Variants in SBK1 observed in about 807,000 individuals in gnomAD.
SBK1 encodes the protein SH3 domain binding kinase 1, also known as serine/threonine-protein kinase SBK1.
A neutral mutation model predicts 24.4 loss-of-function variants in SBK1; 11 were observed. The observed-to-expected ratio is 0.45, with a 90% confidence interval of 0.28 to 0.75. The LOEUF (loss-of-function observed/expected upper bound fraction) is 0.75. Ranked by LOEUF, SBK1 falls within the 30% of genes least tolerant of loss-of-function variation. The pLI, the probability that SBK1 is intolerant of heterozygous loss-of-function variation, is 0.12. For missense variants in SBK1, 467 were observed against 620.5 expected, an observed-to-expected ratio of 0.75 and a Z score of 2.63; for synonymous variants, 308 against 284.4, an observed-to-expected ratio of 1.08 and a Z score of -0.83.
At chr16:28,307,459 G>T (rs1282208960) in intron 1 of SBK1, among the ~76,000 whole-genome samples, 1 of 152,170 alleles carries the variant, frequency 6.6e-6, no homozygotes, top group African/African-American at 2.4e-5. Context: ...CCATTTATTG[G>T]CTGGATGTGG....
rs950168256 is a variant in SBK1 at position 28,304,596 on chromosome 16, TTTTG to T, written c.-8+11308_-8+11311del. On this transcript the variant is annotated intron_variant, in intron 1 of 3. Transcript: ENST00000341901. ...ACACTGAGAAAATAAATGGTAATTT[TTTTG>T]TTTGTTTGTTTTTTTGTTTTTTTTT... Among the ~76,000 whole-genome samples, 10 of 152,220 alleles carry T rather than the reference TTTTG, an allele frequency of 6.6e-5. No individual in the cohort carries two copies. In the East Asian group the frequency reaches 9.6e-4, roughly 15 times the overall value.
Position 28,321,237 on chromosome 16 carries a change from A to G in SBK1, c.*316A>G, listed in dbSNP as rs938103371. On this transcript the variant is annotated 3_prime_UTR_variant, in exon 4 of 4. Coordinates refer to ENST00000341901, the MANE Select transcript of SBK1 (RefSeq NM_001024401.3). ...CACACACACACACACACACACACAC[A>G]CGCCAGGAGCAAGGGAGCTTTCGGG... The G allele has an allele frequency of 1.2e-4, 18 of 147,516 alleles. No homozygotes were observed. Among genetic ancestry groups the G allele is most frequent in the Non-Finnish European group, 2.1e-4 (15 of 70,642 alleles). The allele number at this position is 147,516 out of a possible 1,614,324, so 9.1% of individuals were successfully genotyped here.
rs772983473 is a variant in SBK1, at chr16:28,320,173, A to G, written c.527A>G (p.Lys176Arg). The G allele has an allele frequency of 1.3e-6, 2 of 1,591,102 alleles. No individual in the cohort carries two copies. The highest frequency in any genetic ancestry group is 1.7e-6 in the Non-Finnish European group (2 of 1,174,294). ...HGRQLVHRDI[K>R]PENVLLFDRE... ...CGGCAGCTGGTGCACCGCGACATCA[A>G]GCCCGAGAACGTGCTGCTGTTCGAC... The change falls in exon 4 of 4, where the codon AAG becomes AGG. Residue 176 changes from lysine (K) to arginine (R), a missense_variant. Physicochemically the swap from Lys to Arg is conservative, Grantham distance 26. Transcript: ENST00000341901. The surrounding 1 kb of genome is among the most constrained non-coding windows in gnomAD (Gnocchi z 8.5).
rs35633204 is a variant in SBK1, at chr16:28,269,713, CA to C, written c.257+10224del. Among the ~76,000 whole-genome samples the C allele has an allele frequency of 3.2e-3, 466 of 144,110 alleles. 3 individuals carry two copies. The highest frequency in any genetic ancestry group is 3.3e-3 in the Non-Finnish European group (218 of 65,994). 94.5% of individuals were successfully genotyped at this position (144,110 alleles called of 152,430 possible). On this transcript the variant is annotated intron_variant, in intron 1 of 3. Transcript: ENST00000671413. ...TAAAATCCCATCTCTACTAAAAATA[CA>C]AAAAAAAAAAAATTAGCTGAGAGTG...
chr16:28,284,954 T>G (rs2044556304), intron 1 of SBK1: 1 of 152,168 alleles, frequency 6.6e-6, no homozygotes, highest in African/African-American at 2.4e-5. Flanking sequence ...ATGTCAGAGT[T>G]TTTCTTTTCT....
intron 1 of SBK1, among the ~76,000 whole-genome samples, chr16:28,312,083 G>C (rs182608723): frequency 2.6e-5 from 4 of 152,366 alleles, no homozygotes; most frequent in Admixed American, 1.3e-4. Context: ...GCCCACCTCA[G>C]CAGCCCTTGG....
chr16:28,310,244 G>A (rs374940014), intron 1 of SBK1, among the ~76,000 whole-genome samples: 21 of 152,376 alleles, frequency 1.4e-4, no homozygotes, highest in African/African-American at 5.0e-4. Context: ...GGGTGGATGC[G>A]GCGCTGACAG....
At chr16:28,275,423 G>C (rs907748736) in intron 1 of SBK1, among the ~76,000 whole-genome samples, 1 of 152,182 alleles carries the variant, frequency 6.6e-6, no homozygotes, top group African/African-American at 2.4e-5. Context: ...TATATAAGAA[G>C]AGAAGAAATA....
At chr16:28,272,878 C>T (rs1043238347) in intron 1 of SBK1, among the ~76,000 whole-genome samples, 7 of 151,760 alleles carry the variant, frequency 4.6e-5, no homozygotes, top group African/African-American at 1.7e-4. Flanking sequence ...CTTCGGCCTC[C>T]CAAAGTGCTG....
At chr16:28,297,206 C>T (rs1240152494) in intron 1 of SBK1, among the ~76,000 whole-genome samples, 1 of 152,262 alleles carries the variant, frequency 6.6e-6, no homozygotes, top group East Asian at 1.9e-4. Context: ...TGGCATATTC[C>T]TGTAATCCCT....
chr16:28,292,901 C>A lies in SBK1; in HGVS notation c.-407C>A. ...CCCCTACGGCACCGCAAGGACTCCC[C>A]CTCCTCAGTCTGGGCCCCCGCCCCA... is the stretch of plus-strand genomic sequence containing the variant. On this transcript the variant is annotated 5_prime_UTR_variant, in exon 1 of 4. Transcript: ENST00000341901. 1.0e-6 allele frequency: 1 copy of A among 979,254 alleles called. No homozygotes were observed. Among genetic ancestry groups the A allele is most frequent in the Non-Finnish European group, 1.2e-6 (1 of 824,326 alleles). 60.7% of individuals were successfully genotyped at this position (979,254 alleles called of 1,614,324 possible).
chr16:28,259,187 C>T (rs1474455427), upstream of SBK1: 1 of 152,512 alleles, frequency 6.6e-6, no homozygotes, highest in African/African-American at 2.4e-5. This position sits in a 1 kb window ranked among gnomAD's most constrained non-coding sequence, Gnocchi z 6.0. Flanking sequence ...GACAGGAGCC[C>T]CCGCCAGACA....
At chr16:28,278,380 C>T (rs1304596864) in intron 1 of SBK1, among the ~76,000 whole-genome samples, 2 of 144,594 alleles carry the variant, frequency 1.4e-5, no homozygotes, top group Admixed American at 1.4e-4. Flanking sequence ...CCTGCTCTGT[C>T]ACCCAGGCTG....
At position 28,280,139 on chromosome 16, in the gene SBK1, ATATATATATATG is replaced by A. The variant is rs1168796158; in HGVS notation, c.257+20639_257+20650del. 3.9e-4 allele frequency among the ~76,000 whole-genome samples: 23 copies of A among 58,640 alleles called. No individual in the cohort carries two copies. The East Asian group carries it at 4.7e-3, about 12-fold the overall frequency. The allele number at this position is 58,640 out of a possible 152,430, so 38.5% of individuals were successfully genotyped here. A position where few individuals can be genotyped will look rare whatever the true frequency, so the allele number is the denominator to read the frequency against. On this transcript the variant is annotated intron_variant, in intron 1 of 3. Transcript: ENST00000671413. ...ACTATATATATATATATATATATAT[ATATATATATATG>A]TGTGTGTGTGTGTGTGTGTGTATGT...
chr16:28,266,232 T>G (rs992781765), intron 1 of SBK1, among the ~76,000 whole-genome samples: 2 of 151,930 alleles, frequency 1.3e-5, no homozygotes, highest in Admixed American at 6.6e-5. Flanking sequence ...CTGGGCATAG[T>G]GGCACGTATC....
intron 1 of SBK1, chr16:28,286,606 T>C (rs1274171599): frequency 6.6e-6 from 1 of 152,054 alleles, no homozygotes; most frequent in Non-Finnish European, 1.5e-5. Flanking sequence ...ACCCAAGAGA[T>C]GGAGGTTGCC....
chr16:28,296,169 G>A (rs1049419462), intron 1 of SBK1, among the ~76,000 whole-genome samples: 14 of 148,530 alleles, frequency 9.4e-5, no homozygotes, highest in South Asian at 2.1e-4. Context: ...ATCTCGGCTC[G>A]CTGCGACCTC....
chr16:28,303,660 A>G (rs1198298339), intron 1 of SBK1, among the ~76,000 whole-genome samples: 1 of 151,198 alleles, frequency 6.6e-6, no homozygotes, highest in Non-Finnish European at 1.5e-5. Flanking sequence ...AACTACAGGC[A>G]TATGCCACCA....
chr16:28,312,305 C>T (rs1157753041), intron 1 of SBK1, among the ~76,000 whole-genome samples: 4 of 152,200 alleles, frequency 2.6e-5, no homozygotes, highest in Non-Finnish European at 5.9e-5. Context: ...GGTGTTGCCG[C>T]GGTCACCTCG....
Sources: gnomAD v4.1 joint callset for allele counts (sites outside exome capture counted in the v4.1 genomes callset) on GRCh38, gnomAD v4.1.1 for gene constraint, Gnocchi (gnomAD v3.1) non-coding constraint, MANE v1.5 for transcripts, NCBI Gene and HGNC (gene_info 2026-07-23, HGNC 2026-07-21) for gene names.